DMD: variants seen among roughly 807,000 people sequenced by gnomAD.
The protein encoded by DMD is mutant dystrophin.
DMD carries 63 observed loss-of-function variants against 330.1 expected under a neutral mutation model. The ratio of observed to expected loss-of-function variants is 0.19; its 90% CI spans 0.16 to 0.24. The LOEUF (loss-of-function observed/expected upper bound fraction) is 0.24, where lower values mean the gene tolerates loss of function less well. Ranked by LOEUF, DMD falls within the 10% of genes least tolerant of loss-of-function variation. The pLI, the probability that DMD is intolerant of heterozygous loss-of-function variation, is 1.00. For synonymous variants in DMD, 1,223 were observed against 959.8 expected (o/e 1.27, Z -5.07); for missense variants, 3,344 against 2,684.1 (o/e 1.25, Z -5.43).
At chrX:31,340,617 C>T (rs1475327999) in intron 61 of DMD, among the ~76,000 whole-genome samples, 2 of 111,798 alleles carry the variant, frequency 1.8e-5, no homozygotes, top group East Asian at 5.6e-4. Context: ...ATGGTACAGT[C>T]GACTTTGATA....
At chrX:33,074,413 A>ATT (rs199673088) in intron 1 of DMD, among the ~76,000 whole-genome samples, 3 of 86,762 alleles carry the variant, frequency 3.5e-5, no homozygotes, top group African/African-American at 1.6e-4. Context: ...TTTTAACACT[A>ATT]TATTTTTTTT....
chrX:33,070,539 G>A (rs1240685938), intron 1 of DMD, among the ~76,000 whole-genome samples: 2 of 105,011 alleles, frequency 1.9e-5, no homozygotes, highest in African/African-American at 6.9e-5. Context: ...GAACACAAAA[G>A]GTAAAAGAAA....
chrX:33,339,155 G>A lies in DMD; in HGVS notation c.7+104C>T, dbSNP rs73463959. 7.4e-3 allele frequency: 6,609 copies of A among 889,103 alleles called. 303 individuals are homozygous for A. The African/African-American group carries it at 0.12, about 17-fold the overall frequency. The allele number at this position is 889,103 out of a possible 1,213,427, so 73.3% of individuals were successfully genotyped here. A position where few individuals can be genotyped will look rare whatever the true frequency, so the allele number is the denominator to read the frequency against. ...ACTGTTTGCAGAGTTTGAAGAGCTCGGCAACAAACCCCAGCTACCAACAGC... is the reference window on the plus strand; with the variant it reads ...ACTGTTTGCAGAGTTTGAAGAGCTCAGCAACAAACCCCAGCTACCAACAGC... On this transcript the variant is annotated intron_variant, in intron 1 of 17. Transcript: ENST00000288447.
chrX:31,788,864 T>C, intron 50 of DMD, among the ~76,000 whole-genome samples: 1 of 111,224 alleles, frequency 9.0e-6, no homozygotes, highest in Middle Eastern at 4.8e-3. Context: ...TAAAGCCTAT[T>C]TTGTCTAATA....
chrX:32,165,293 C>A (rs969097669), intron 44 of DMD, among the ~76,000 whole-genome samples: 4 of 112,555 alleles, frequency 3.6e-5, no homozygotes, highest in African/African-American at 9.7e-5. Flanking sequence ...CCCTGCAAAC[C>A]CACAGGGGTG....
intron 44 of DMD, among the ~76,000 whole-genome samples, chrX:32,095,117 C>T (rs923763999): frequency 9.0e-6 from 1 of 111,524 alleles, no homozygotes; most frequent in African/African-American, 3.3e-5. Flanking sequence ...GGAGATTATT[C>T]CTCCTTCCAG....
At chrX:32,872,892 G>T (rs2149153458) in intron 2 of DMD, among the ~76,000 whole-genome samples, 1 of 111,739 alleles carries the variant, frequency 8.9e-6, no homozygotes, top group African/African-American at 3.2e-5. Flanking sequence ...ATCAAGGAGG[G>T]CAAGAGAAGC....
chrX:31,960,996 G>A (rs1227619685), intron 45 of DMD, among the ~76,000 whole-genome samples: 1 of 111,720 alleles, frequency 9.0e-6, no homozygotes, highest in Non-Finnish European at 1.9e-5. Context: ...GTAGGATGAG[G>A]CTAAAACATT....
chrX:31,369,291 C>A (rs191378605), intron 60 of DMD, among the ~76,000 whole-genome samples: 4 of 111,994 alleles, frequency 3.6e-5, no homozygotes, highest in African/African-American at 1.3e-4. Flanking sequence ...CTAATCAGAT[C>A]TGCATTTTAG....
At chrX:32,220,399 C>T (rs2097128197) in intron 43 of DMD, among the ~76,000 whole-genome samples, 2 of 111,143 alleles carry the variant, frequency 1.8e-5, no homozygotes, top group South Asian at 7.4e-4. Flanking sequence ...AAATAAGTAA[C>T]TATTCAAACA....
chrX:32,719,822 C>G (rs1191710470), intron 7 of DMD, among the ~76,000 whole-genome samples: 1 of 110,219 alleles, frequency 9.1e-6, no homozygotes, highest in Non-Finnish European at 1.9e-5. Flanking sequence ...CAGAATACCT[C>G]AAGAGCTTGG....
At chrX:31,842,040 A>G (rs924983405) in intron 48 of DMD, among the ~76,000 whole-genome samples, 3 of 111,964 alleles carry the variant, frequency 2.7e-5, no homozygotes, top group African/African-American at 9.7e-5. Flanking sequence ...AATCTTCTGG[A>G]AAGGACTCAC....
chrX:32,689,458 A>T (rs886195896), intron 9 of DMD, among the ~76,000 whole-genome samples: 2 of 111,561 alleles, frequency 1.8e-5, no homozygotes, highest in African/African-American at 6.5e-5. Context: ...AGACGAGGTG[A>T]CTTCATAAGT....
At chrX:31,587,290 T>C (rs2076655827) in intron 55 of DMD, among the ~76,000 whole-genome samples, 1 of 111,811 alleles carries the variant, frequency 8.9e-6, no homozygotes, top group Non-Finnish European at 1.9e-5. Context: ...TTAACAGCAA[T>C]GTATTATATA....
intron 47 of DMD, among the ~76,000 whole-genome samples, chrX:31,896,298 C>T (rs1005948869): frequency 9.0e-6 from 1 of 111,102 alleles, no homozygotes; most frequent in Admixed American, 9.6e-5. Context: ...AAATTTTAAT[C>T]AACAATGCTG....
At chrX:31,549,653 G>A (rs934160298) in intron 55 of DMD, among the ~76,000 whole-genome samples, 8 of 111,924 alleles carry the variant, frequency 7.1e-5, no homozygotes, top group African/African-American at 2.6e-4. Context: ...TAGTTTTCAC[G>A]TTTCTCTGAA....
chrX:33,014,829 G>T (rs1479238071), intron 2 of DMD, among the ~76,000 whole-genome samples: 1 of 93,807 alleles, frequency 1.1e-5, no homozygotes, highest in Non-Finnish European at 2.0e-5. Flanking sequence ...GTGTTTATAT[G>T]ATTTACTATT....
chrX:33,266,747 A>G (rs1425492631), intron 1 of DMD, among the ~76,000 whole-genome samples: 1 of 111,918 alleles, frequency 8.9e-6, no homozygotes, highest in Non-Finnish European at 1.9e-5. Context: ...GCATAGACAG[A>G]AAGTGTCCTA....
chrX:32,185,583 T>C (rs971129032), intron 44 of DMD, among the ~76,000 whole-genome samples: 1 of 111,782 alleles, frequency 8.9e-6, no homozygotes, highest in South Asian at 3.7e-4. Flanking sequence ...GCAAGTTTTC[T>C]GTGTTAAAAT....
Sources: allele counts gnomAD v4.1 joint callset (sites outside exome capture counted in the v4.1 genomes callset), GRCh38; gene constraint gnomAD v4.1.1; transcripts MANE v1.5; gene names NCBI Gene and HGNC (gene_info 2026-07-23, HGNC 2026-07-21).